ARMC9: variants seen among roughly 807,000 people sequenced by gnomAD.
ARMC9 encodes armadillo repeat containing 9, also known as lisH domain-containing protein ARMC9.
Under a neutral mutation model 107.0 loss-of-function variants are expected in ARMC9, and 94 were observed. The ratio of observed to expected loss-of-function variants is 0.88; its 90% CI spans 0.74 to 1.04. The LOEUF (loss-of-function observed/expected upper bound fraction) is 1.04. ARMC9 is among the 50% of genes least tolerant of loss of function. The pLI is 0.00. For synonymous variants in ARMC9, 380 were observed against 396.9 expected (o/e 0.96, Z 0.51); for missense variants, 942 against 1,030.1 (o/e 0.91, Z 1.17).
At chr2:231,217,698 ATGTTT>A (rs2033670252) in intron 5 of ARMC9, among the ~76,000 whole-genome samples, 2 of 151,924 alleles carry the variant, frequency 1.3e-5, no homozygotes, top group African/African-American at 4.8e-5. Flanking sequence ...TAACACACAT[ATGTTT>A]TGTTTGTTTG....
intron 19 of ARMC9, among the ~76,000 whole-genome samples, chr2:231,301,010 A>T (rs1169940020): frequency 1.3e-5 from 2 of 152,156 alleles, no homozygotes; most frequent in Admixed American, 1.3e-4. Flanking sequence ...CAAGAAACCC[A>T]TGTTAGTGAT....
intron 9 of ARMC9, among the ~76,000 whole-genome samples, chr2:231,244,244 C>T (rs142926911): frequency 7.9e-4 from 120 of 152,234 alleles, no homozygotes; most frequent in African/African-American, 2.7e-3. Flanking sequence ...CCCATTAAAT[C>T]GAGCCCTTCT....
chr2:231,283,069 T>G (rs557046757), intron 17 of ARMC9, among the ~76,000 whole-genome samples: 19 of 146,248 alleles, frequency 1.3e-4, no homozygotes, highest in Admixed American at 2.1e-4. Flanking sequence ...ATGGAGGGGG[T>G]GGGGAGTGAA....
At chr2:231,315,357 T>A (rs1466555846) in intron 19 of ARMC9, among the ~76,000 whole-genome samples, 2 of 151,554 alleles carry the variant, frequency 1.3e-5, no homozygotes, top group Non-Finnish European at 2.9e-5. Flanking sequence ...GCCAGCATGG[T>A]GAAACCCCAT....
chr2:231,345,536 CT>C (rs566018227), intron 21 of ARMC9, among the ~76,000 whole-genome samples: 139 of 152,296 alleles, frequency 9.1e-4, no homozygotes, highest in Non-Finnish European at 8.4e-4. Flanking sequence ...GCTGCCGAGC[CT>C]TATTCATCTT....
chr2:231,316,800 T>A (rs1318428964), intron 19 of ARMC9, among the ~76,000 whole-genome samples: 2 of 152,230 alleles, frequency 1.3e-5, no homozygotes, highest in African/African-American at 2.4e-5. Context: ...TCTCACTGTG[T>A]TACCCAAGCT....
intron 4 of ARMC9, among the ~76,000 whole-genome samples, chr2:231,215,571 TC>T (rs1219716292): frequency 4.6e-5 from 7 of 152,298 alleles, no homozygotes; most frequent in Admixed American, 3.3e-4. Flanking sequence ...GAATTTAGCA[TC>T]TGTAGTCCTT....
intron 7 of ARMC9, among the ~76,000 whole-genome samples, chr2:231,231,361 C>T (rs1404018703): frequency 6.6e-6 from 1 of 152,066 alleles, no homozygotes; most frequent in Admixed American, 6.6e-5. Flanking sequence ...TAATTTTGAA[C>T]TCTCTATATA....
intron 11 of ARMC9, among the ~76,000 whole-genome samples, chr2:231,261,043 G>A (rs917384236): frequency 7.9e-5 from 12 of 152,138 alleles, no homozygotes; most frequent in African/African-American, 2.4e-4. Flanking sequence ...AGGCCTCCCC[G>A]GCTCTCCTTC....
chr2:231,235,562 T>C (rs1342230250), intron 8 of ARMC9, among the ~76,000 whole-genome samples, 181 bp downstream of exon 8: 1 of 152,256 alleles, frequency 6.6e-6, no homozygotes, highest in East Asian at 1.9e-4. Flanking sequence ...TTTTACTGTT[T>C]TTATCAAGCT....
chr2:231,257,520 C>A lies in ARMC9; in HGVS notation c.914+900C>A, dbSNP rs548531821. 2.0e-5 allele frequency among the ~76,000 whole-genome samples: 3 copies of A among 152,288 alleles called. No homozygotes were observed. In the South Asian group the frequency reaches 6.2e-4, roughly 32 times the overall value. ...GCCCACAGCCTTCCTCCTCCCTCAG[C>A]CCTGCCTGAGTCTGACCTTGACCCC... On this transcript the variant is annotated intron_variant, in intron 10 of 24. Transcript: ENST00000611582.
At chr2:231,361,195 G>A (rs1196387932) in intron 23 of ARMC9, among the ~76,000 whole-genome samples, 1 of 152,152 alleles carries the variant, frequency 6.6e-6, no homozygotes, top group East Asian at 1.9e-4. Context: ...GGTGACTTAG[G>A]GACAGTGTCC....
chr2:231,283,014 CAA>C (rs1365711105), intron 17 of ARMC9, among the ~76,000 whole-genome samples: 1 of 151,110 alleles, frequency 6.6e-6, no homozygotes, highest in African/African-American at 2.4e-5. Context: ...AACATTCAGT[CAA>C]AGTGTGAGAT....
intron 16 of ARMC9, among the ~76,000 whole-genome samples, chr2:231,279,668 G>A (rs901756552): frequency 4.0e-5 from 6 of 151,744 alleles, no homozygotes; most frequent in Non-Finnish European, 7.4e-5. Flanking sequence ...CCGCCACTAC[G>A]TCTGGCTAAT....
In ARMC9 at chr2:231,245,139, C is replaced by T. The variant is rs182575040; in HGVS notation, c.879+5098C>T. 4.6e-5 allele frequency among the ~76,000 whole-genome samples: 7 copies of T among 152,266 alleles called. No homozygotes were observed. The East Asian group carries it at 1.3e-3, about 29-fold the overall frequency. Reference sequence around the variant, plus strand: ...TTGAGGCGAGAGCTGTCCCAGGTGGCCTTTTTAGTTTGACTCCGCGTATTG... The same window carrying T: ...TTGAGGCGAGAGCTGTCCCAGGTGGTCTTTTTAGTTTGACTCCGCGTATTG... On this transcript the variant is annotated intron_variant, in intron 9 of 24. Transcript: ENST00000611582.
intron 19 of ARMC9, among the ~76,000 whole-genome samples, chr2:231,302,523 C>T (rs148467268): frequency 1.6e-5 from 2 of 121,752 alleles, no homozygotes; most frequent in African/African-American, 6.1e-5. Context: ...TATCTGTTGT[C>T]ATATGTTGTT....
At chr2:231,258,571 G>C (rs1341291169) in intron 10 of ARMC9, among the ~76,000 whole-genome samples, 2 of 152,132 alleles carry the variant, frequency 1.3e-5, no homozygotes, top group African/African-American at 4.8e-5. Context: ...AGTGGCTTCA[G>C]GTGTTTAGGT....
In ARMC9 at chr2:231,361,882, A is replaced by G. The variant is rs1283485325; in HGVS notation, c.2261+999A>G. 2.6e-5 allele frequency among the ~76,000 whole-genome samples: 4 copies of G among 152,134 alleles called. No homozygotes were observed. The East Asian group carries it at 7.7e-4, about 29-fold the overall frequency. Reference sequence around the variant, plus strand: ...CGGAGAGAGAAAGAGGCAGGAAGAGAAATCAATGGGGAGTGGCAGACAGGA... The same window carrying G: ...CGGAGAGAGAAAGAGGCAGGAAGAGGAATCAATGGGGAGTGGCAGACAGGA... On this transcript the variant is annotated intron_variant, in intron 23 of 24. Coordinates refer to ENST00000611582, the MANE Select transcript of ARMC9 (RefSeq NM_001352754.2).
chr2:231,311,457 G>A (rs1371556468), intron 19 of ARMC9, among the ~76,000 whole-genome samples: 1 of 151,946 alleles, frequency 6.6e-6, no homozygotes, highest in Non-Finnish European at 1.5e-5. Flanking sequence ...GACTGAGCAT[G>A]TGCCCCGTAT....
Sources: allele counts gnomAD v4.1 joint callset (sites outside exome capture counted in the v4.1 genomes callset), GRCh38; gene constraint gnomAD v4.1.1; transcripts MANE v1.5; gene names NCBI Gene and HGNC (gene_info 2026-07-23, HGNC 2026-07-21).